Variants in FLAD1 observed in about 807,000 individuals in gnomAD.
The protein encoded by FLAD1 is flavin adenine dinucleotide synthetase 1.
In FLAD1, 35 loss-of-function variants were observed where a neutral mutation model predicts 55.0. The ratio of observed to expected loss-of-function variants is 0.64; its 90% CI spans 0.49 to 0.84. The LOEUF (loss-of-function observed/expected upper bound fraction) is 0.84. Among genes scored for constraint, FLAD1 ranks in the 40% least tolerant of loss-of-function variants. FLAD1 has a pLI of 0.00. For missense variants in FLAD1, 665 were observed against 742.6 expected, an observed-to-expected ratio of 0.90 and a Z score of 1.21; for synonymous variants, 267 against 303.0, an observed-to-expected ratio of 0.88 and a Z score of 1.23.
At position 154,988,765 on chromosome 1, in the gene FLAD1, C is replaced by T. The variant is rs61740252; in HGVS notation, c.1033C>T (p.Arg345Cys). 3.0e-4 allele frequency: 481 copies of T among 1,614,150 alleles called. No homozygotes were observed. Among genetic ancestry groups the T allele is most frequent in the African/African-American group, 9.5e-4 (71 of 75,046 alleles). Residue 345 changes from arginine to cysteine, a missense_variant, in exon 2 of 7, where the codon CGT (arginine) becomes TGT (cysteine). Coordinates refer to ENST00000292180, the MANE Select transcript of FLAD1 (RefSeq NM_025207.5). Reference protein sequence around the residue: ...LEECLAYLTARLPQGSLVPYM... With the variant: ...LEECLAYLTACLPQGSLVPYM... The stretch of plus-strand genomic sequence containing the variant: ...GGAATGCTTGGCCTACCTGACTGCC[C>T]GTTTGCCCCAGGGATCGCTGGTCCC...
intron 2 of FLAD1, 56 bp from the exon 3 acceptor site, chr1:154,989,504 C>T (rs2102246953): frequency 6.9e-7 from 1 of 1,456,916 alleles, no homozygotes; most frequent in South Asian, 1.4e-5. Context: ...TGCCTTCACT[C>T]CCCTTTGATA....
intron 6 of FLAD1, 25 bp downstream of exon 6, chr1:154,992,811 G>A: frequency 6.2e-7 from 1 of 1,614,162 alleles, no homozygotes; most frequent in Non-Finnish European, 8.5e-7. Context: ...GGAAGGGAAT[G>A]GGTAAGGGAG....
rs756511986 is a variant in FLAD1 at position 154,990,562 on chromosome 1, C to T, written c.1554+34C>T. 5.2e-5 allele frequency: 80 copies of T among 1,544,376 alleles called. No individual in the cohort carries two copies. In the Middle Eastern group the frequency reaches 1.2e-3, roughly 23 times the overall value. On this transcript the variant is annotated intron_variant, in intron 5 of 6. Coordinates refer to ENST00000292180, the MANE Select transcript of FLAD1 (RefSeq NM_025207.5). ...GAAGAGGGTTTATCACCTTCAGTCT[C>T]ACGTGCCCCAGCAGTCACTGCACCC...
intron 3 of FLAD1, 102 bp from the exon 4 acceptor site, chr1:154,990,057 G>A: frequency 1.1e-6 from 1 of 941,098 alleles, no homozygotes; most frequent in Middle Eastern, 2.9e-4. Flanking sequence ...AGGGAGAAGG[G>A]GTGAGAGTCT....
At chr1:154,990,593 C>T in intron 5 of FLAD1, 65 bp downstream of exon 5, 1 of 1,444,618 alleles carries the variant, frequency 6.9e-7, no homozygotes, top group South Asian at 1.4e-5. Context: ...CACCCTAGCT[C>T]ACCTGCAGTA....
chr1:154,987,072 G>C (rs1245140851), intron 1 of FLAD1, among the ~76,000 whole-genome samples: 2 of 150,902 alleles, frequency 1.3e-5, no homozygotes, highest in Non-Finnish European at 3.0e-5. Flanking sequence ...CTGTCACCCA[G>C]GCTGGAGTAC....
chr1:154,987,527 G>A (rs111878264), intron 1 of FLAD1: 51 of 162,290 alleles, frequency 3.1e-4, no homozygotes, highest in Admixed American at 8.7e-4. Context: ...GCATTAAAAC[G>A]GTTACTCCGG....
rs1298145299 is a variant in FLAD1 at position 154,983,880 on chromosome 1, C to G, written c.186C>G (p.Gly62=). The G allele has an allele frequency of 6.8e-6, 11 of 1,613,698 alleles. No homozygotes were observed. The highest frequency in any genetic ancestry group is 9.3e-6 in the Non-Finnish European group (11 of 1,179,678). Reference sequence around the variant, plus strand: ...AGGACCCCCTGTTCCCAGGCTATGGCCCCCAGTGCCCTGTAGACCTGGCAG... The same window carrying G: ...AGGACCCCCTGTTCCCAGGCTATGGGCCCCAGTGCCCTGTAGACCTGGCAG... The part of the protein sequence containing the change: ...STQDPLFPGY[G]PQCPVDLAGP... The change falls in exon 1 of 7, where the codon GGC becomes GGG. Residue 62 remains glycine (G), a synonymous_variant. Transcript: ENST00000292180.
At chr1:154,986,704 C>CCCCTTT (rs1657626991) in intron 1 of FLAD1, among the ~76,000 whole-genome samples, 1 of 91,722 alleles carries the variant, frequency 1.1e-5, no homozygotes, top group African/African-American at 4.9e-5. Context: ...GCCCCCCACC[C>CCCCTTT]TTTTTTTTTT....
At position 154,993,067 on chromosome 1, in the gene FLAD1, C is replaced by A. The variant is rs757166860; in HGVS notation, c.*30C>A. The A allele has an allele frequency of 1.2e-6, 2 of 1,603,888 alleles. No homozygotes were observed. The highest frequency in any genetic ancestry group is 8.5e-7 in the Non-Finnish European group (1 of 1,171,272). ...CCACCCTAGGAGGGAGGGAAGGACACCGTCCTAGGGTATAACCTGGCAATA... is the reference window on the plus strand; with the variant it reads ...CCACCCTAGGAGGGAGGGAAGGACAACGTCCTAGGGTATAACCTGGCAATA... On this transcript the variant is annotated 3_prime_UTR_variant, in exon 7 of 7. Coordinates refer to ENST00000292180, the MANE Select transcript of FLAD1 (RefSeq NM_025207.5).
chr1:154,992,628 C>T, intron 5 of FLAD1, 85 bp from the exon 6 acceptor site: 1 of 1,614,046 alleles, frequency 6.2e-7, no homozygotes, highest in South Asian at 1.1e-5. Context: ...GCAGAAGAGC[C>T]ATGGATGGGC....
Position 154,983,913 on chromosome 1 carries a change from G to A in FLAD1, c.219G>A (p.Pro73=). The A allele has an allele frequency of 1.2e-6, 2 of 1,611,616 alleles. No homozygotes were observed. The highest frequency in any genetic ancestry group is 1.7e-6 in the Non-Finnish European group (2 of 1,178,498). The change falls in exon 1 of 7, where the codon CCG becomes CCA. Residue 73 remains proline, a synonymous_variant. Transcript: ENST00000292180. ...PQCPVDLAGP[P]CLRPLFGGLG... ...GCCCTGTAGACCTGGCAGGCCCCCC[G>A]TGCTTGCGACCCCTATTTGGGGGTC...
At chr1:154,992,477 G>A in intron 5 of FLAD1, 1 of 1,194,800 alleles carries the variant, frequency 8.4e-7, no homozygotes, top group Non-Finnish European at 1.2e-6. Context: ...CTGTCCTCAA[G>A]CTCCACCCTT....
intron 1 of FLAD1, among the ~76,000 whole-genome samples, chr1:154,986,704 C>CCCCCTTT (rs1657626991): frequency 2.2e-5 from 2 of 91,702 alleles, no homozygotes; most frequent in African/African-American, 4.9e-5. Context: ...GCCCCCCACC[C>CCCCCTTT]TTTTTTTTTT....
At chr1:154,987,957 T>C in intron 1 of FLAD1, 148 bp from the exon 2 acceptor site, 1 of 1,525,164 alleles carries the variant, frequency 6.6e-7, no homozygotes. Context: ...TTCCCACTCT[T>C]GTGTCCAGTC....
rs765183795 is a variant in FLAD1 at position 154,993,068 on chromosome 1, C to A, written c.*31C>A. 3 of 1,601,176 alleles carry A rather than the reference C, an allele frequency of 1.9e-6. No homozygotes were observed. The highest frequency in any genetic ancestry group is 2.6e-6 in the Non-Finnish European group (3 of 1,169,030). ...CACCCTAGGAGGGAGGGAAGGACACCGTCCTAGGGTATAACCTGGCAATAA... is the reference window on the plus strand; with the variant it reads ...CACCCTAGGAGGGAGGGAAGGACACAGTCCTAGGGTATAACCTGGCAATAA... On this transcript the variant is annotated 3_prime_UTR_variant, in exon 7 of 7. Transcript: ENST00000292180.
rs776874328 is a variant in FLAD1, at chr1:154,988,341, C to T, written c.609C>T (p.Pro203=). Residue 203 remains proline, a synonymous_variant, in exon 2 of 7, where the codon CCC becomes CCT. Transcript: ENST00000292180. ...QAFGDELKPH[P]KLEAATKALG... ...TTGGAGATGAGCTGAAGCCACACCC[C>T]AAGTTGGAAGCAGCCACCAAAGCCC... 21 of 1,614,174 alleles carry T rather than the reference C, an allele frequency of 1.3e-5. No homozygotes were observed. Among genetic ancestry groups the T allele is most frequent in the Non-Finnish European group, 1.6e-5 (19 of 1,180,020 alleles).
chr1:154,983,769 G>A lies in FLAD1; in HGVS notation c.75G>A (p.Glu25=), dbSNP rs1234736934. 1 of 1,614,180 alleles carries A rather than the reference G, an allele frequency of 6.2e-7. No homozygotes were observed. Among genetic ancestry groups the A allele is most frequent in the Non-Finnish European group, 8.5e-7 (1 of 1,180,010 alleles). ...QRSRLSRIWL[E]KTRVFLEGST... is the part of the protein sequence containing the mutation. ...GTCGCTTGTCAAGGATCTGGTTAGA[G>A]AAGACTAGGGTCTTCCTCGAAGGAA... Residue 25 remains glutamate (E), a synonymous_variant, in exon 1 of 7, where the codon GAG becomes GAA. Transcript: ENST00000292180.
At chr1:154,989,423 C>A in intron 2 of FLAD1, 137 bp from the exon 3 acceptor site, 1 of 866,266 alleles carries the variant, frequency 1.2e-6, no homozygotes, top group Non-Finnish European at 1.7e-6. Context: ...GCCTAGCGGG[C>A]AGCATGAAGG....
Sources: gnomAD v4.1 joint callset for allele counts (sites outside exome capture counted in the v4.1 genomes callset) on GRCh38, gnomAD v4.1.1 for gene constraint, MANE v1.5 for transcripts, NCBI Gene and HGNC (gene_info 2026-07-23, HGNC 2026-07-21) for gene names.